The following CABP7 variants were observed in gnomAD, a reference collection of about 807,000 sequenced individuals.
CABP7 encodes the protein calcium-binding protein 7.
Under a neutral mutation model 23.1 loss-of-function variants are expected in CABP7, and 13 were observed. The observed-to-expected ratio is 0.56, with a 90% CI of 0.37 to 0.90. The LOEUF is 0.90. Among genes scored for constraint, CABP7 ranks in the 40% least tolerant of loss-of-function variants. The pLI, the probability that CABP7 is intolerant of heterozygous loss-of-function variation, is 0.01. For synonymous variants in CABP7, 123 were observed against 115.3 expected (o/e 1.07, Z -0.43); for missense variants, 248 against 295.6 (o/e 0.84, Z 1.18).
Position 29,720,490 on chromosome 22 carries a change from G to A in CABP7, c.66G>A (p.Leu22=), listed in dbSNP as rs1201845143. The A allele has an allele frequency of 6.4e-7, 1 of 1,562,842 alleles. No homozygotes were observed. Among genetic ancestry groups the A allele is most frequent in the Admixed American group, 1.8e-5 (1 of 55,744 alleles). Residue 22 remains leucine, a synonymous_variant, in exon 1 of 5, where the codon CTG becomes CTA. Transcript: ENST00000216144. The surrounding 1 kb of genome is among the most constrained non-coding windows in gnomAD (Gnocchi z 5.2). ...YRGIYTVPNL[L]SEQRPVDIPE... ...GCATCTACACCGTGCCCAACCTGCT[G>A]TCGGAGCAGCGCCCGGTGGACATCC...
Position 29,727,921 on chromosome 22 carries a change from C to T in CABP7, c.253+116C>T, listed in dbSNP as rs1394177832. 3 of 1,197,636 alleles carry T rather than the reference C, an allele frequency of 2.5e-6. No homozygotes were observed. Among genetic ancestry groups the T allele is most frequent in the Non-Finnish European group, 3.4e-6 (3 of 876,910 alleles). The allele number at this position is 1,197,636 out of a possible 1,614,324, so 74.2% of individuals were successfully genotyped here. On this transcript the variant is annotated intron_variant, in intron 2 of 4. Transcript: ENST00000216144. This position sits in a 1 kb window ranked among gnomAD's most constrained non-coding sequence, Gnocchi z 4.2. The stretch of plus-strand genomic sequence containing the variant: ...CAAATTGGGTCTCTCGCTCCCCTGA[C>T]TCCCACCCTCAAAGTCCGTGGCAGG...
rs2067823065 is a variant in CABP7, at chr22:29,729,539, C to T, written c.618C>T (p.Ala206=). 6 of 1,612,040 alleles carry T rather than the reference C, an allele frequency of 3.7e-6. No individual in the cohort carries two copies. Among genetic ancestry groups the T allele is most frequent in the Non-Finnish European group, 5.1e-6 (6 of 1,179,966 alleles). Residue 206 remains alanine (A), a synonymous_variant, in exon 5 of 5, where the codon GCC becomes GCT. Coordinates refer to ENST00000216144, the MANE Select transcript of CABP7 (RefSeq NM_182527.3). ...TCATCAGTGTCATGCTCATTGCGGCCAACCAGGTGCTGCGCAGTGGCATGA... is the reference window on the plus strand; with the variant it reads ...TCATCAGTGTCATGCTCATTGCGGCTAACCAGGTGCTGCGCAGTGGCATGA... The part of the protein sequence containing the change: ...AFIISVMLIA[A]NQVLRSGMK
chr22:29,729,330 C>A, intron 4 of CABP7, 112 bp from the exon 5 acceptor site: 1 of 1,575,400 alleles, frequency 6.3e-7, no homozygotes. Context: ...AGCCTCTGTC[C>A]CATTGGGGCA....
In CABP7 at chr22:29,720,683, GGCAAGAC is replaced by G; in HGVS notation, c.109+151_109+157del. 4.5e-6 allele frequency: 2 copies of G among 448,110 alleles called. No individual in the cohort carries two copies. Among genetic ancestry groups the G allele is most frequent in the Non-Finnish European group, 3.9e-6 (1 of 257,420 alleles). 27.8% of individuals were successfully genotyped at this position (448,110 alleles called of 1,614,324 possible). Reference sequence around the variant, plus strand: ...GCCCCAGCTAGCAGCTGTGCCCCGCGGCAAGACCTGTCCGCACCCCGGGGCGCCGCGG... The same window carrying G: ...GCCCCAGCTAGCAGCTGTGCCCCGCGCTGTCCGCACCCCGGGGCGCCGCGG... On this transcript the variant is annotated intron_variant, in intron 1 of 4. Coordinates refer to ENST00000216144, the MANE Select transcript of CABP7 (RefSeq NM_182527.3). This position sits in a 1 kb window ranked among gnomAD's most constrained non-coding sequence, Gnocchi z 5.2.
chr22:29,723,965 T>A (rs5763435), intron 1 of CABP7, among the ~76,000 whole-genome samples: 1 of 152,102 alleles, frequency 6.6e-6, no homozygotes, highest in South Asian at 2.1e-4. Flanking sequence ...AGGCTGGAGG[T>A]GGCAGGTAGG....
rs948838015 is a variant in CABP7, at chr22:29,727,179, G to T, written c.110-483G>T. Among the ~76,000 whole-genome samples, 1 of 151,442 alleles carries T rather than the reference G, an allele frequency of 6.6e-6. No individual in the cohort carries two copies. Among genetic ancestry groups the T allele is most frequent in the Non-Finnish European group, 1.5e-5 (1 of 67,904 alleles). On this transcript the variant is annotated intron_variant, in intron 1 of 4. Transcript: ENST00000216144. This position sits in a 1 kb window ranked among gnomAD's most constrained non-coding sequence, Gnocchi z 4.2. Reference sequence around the variant, plus strand: ...ATTAGTCTGGAGCAAGCTGCCTCACGTGGCTGCCATTAGCAAGTGTTGGCC... The same window carrying T: ...ATTAGTCTGGAGCAAGCTGCCTCACTTGGCTGCCATTAGCAAGTGTTGGCC...
At chr22:29,723,675 G>A (rs2067777096) in intron 1 of CABP7, among the ~76,000 whole-genome samples, 1 of 152,244 alleles carries the variant, frequency 6.6e-6, no homozygotes, top group South Asian at 2.1e-4. Context: ...GGGCAGGGGA[G>A]GCTGGGGAGT....
rs2067749587 is a variant in CABP7, at chr22:29,720,280, G to A, written c.-145G>A. ...GGGGCGCGGGGGCGCTAGGCCCCCG[G>A]AGGGGCGTCCCCAGCCTCGCCGCTG... On this transcript the variant is annotated 5_prime_UTR_variant, in exon 1 of 5. Transcript: ENST00000216144. The surrounding 1 kb of genome is among the most constrained non-coding windows in gnomAD (Gnocchi z 5.2). 1.7e-5 allele frequency: 3 copies of A among 173,384 alleles called. No homozygotes were observed. The highest frequency in any genetic ancestry group is 1.9e-4 in the East Asian group (1 of 5,250). The allele number at this position is 173,384 out of a possible 1,614,324, so 10.7% of individuals were successfully genotyped here.
chr22:29,720,298 C>A lies in CABP7; in HGVS notation c.-127C>A. On this transcript the variant is annotated 5_prime_UTR_variant, in exon 1 of 5. Transcript: ENST00000216144. This position sits in a 1 kb window ranked among gnomAD's most constrained non-coding sequence, Gnocchi z 5.2. Reference sequence around the variant, plus strand: ...GCCCCCGGAGGGGCGTCCCCAGCCTCGCCGCTGCCGCCGCCGCCCTCCGCA... The same window carrying A: ...GCCCCCGGAGGGGCGTCCCCAGCCTAGCCGCTGCCGCCGCCGCCCTCCGCA... The A allele has an allele frequency of 8.8e-6, 2 of 226,896 alleles. No individual in the cohort carries two copies. The highest frequency in any genetic ancestry group is 1.5e-5 in the Non-Finnish European group (2 of 136,744). 14.1% of individuals were successfully genotyped at this position (226,896 alleles called of 1,614,324 possible).
At position 29,731,471 on chromosome 22, in the gene CABP7, C is replaced by G. The variant is rs2067843752; in HGVS notation, c.*1902C>G. The G allele has an allele frequency of 7.2e-7, 1 of 1,387,974 alleles. No individual in the cohort carries two copies. The highest frequency in any genetic ancestry group is 1.5e-5 in the South Asian group (1 of 66,712). The allele number at this position is 1,387,974 out of a possible 1,614,324, so 86.0% of individuals were successfully genotyped here. On this transcript the variant is annotated 3_prime_UTR_variant, in exon 5 of 5. Coordinates refer to ENST00000216144, the MANE Select transcript of CABP7 (RefSeq NM_182527.3). ...TGGGGAGGGTCAGCTGCCTGCATGA[C>G]TTTTCTGGAAGGCAGAGCCTCGAAA...
intron 4 of CABP7, 107 bp from the exon 5 acceptor site, chr22:29,729,335 G>T: frequency 6.3e-7 from 1 of 1,575,104 alleles, no homozygotes. Context: ...CTGTCCCATT[G>T]GGGCACCCCA....
chr22:29,722,243 C>T (rs2067766859), intron 1 of CABP7, among the ~76,000 whole-genome samples: 1 of 152,220 alleles, frequency 6.6e-6, no homozygotes, highest in African/African-American at 2.4e-5. Context: ...GGAGTGCACT[C>T]CCTGAGGAAG....
At chr22:29,721,281 G>A (rs2067760315) in intron 1 of CABP7, among the ~76,000 whole-genome samples, 1 of 152,160 alleles carries the variant, frequency 6.6e-6, no homozygotes, top group Non-Finnish European at 1.5e-5. Context: ...CTGGCTGGGC[G>A]AGGTCAGAGC....
rs772493134 is a variant in CABP7 at position 29,729,202 on chromosome 22, G to A, written c.514G>A (p.Val172Met). 1.9e-6 allele frequency: 3 copies of A among 1,606,884 alleles called. No homozygotes were observed. Among genetic ancestry groups the A allele is most frequent in the East Asian group, 2.2e-5 (1 of 44,646 alleles). The change falls in exon 4 of 5, where the codon GTG (valine) becomes ATG (methionine). Residue 172 changes from valine (V) to methionine (M), a missense_variant. Val to Met is a conservative substitution (Grantham distance 21). Transcript: ENST00000216144. ...CACAGCCGAGGAGTGTCCCGTGGAT[G>A]TGGAGAGTGAGTGGCTGGCCCTGGA... ...LGTAEECPVD[V>M]ETCSNQQIRQ...
At chr22:29,725,034 T>A (rs1394492416) in intron 1 of CABP7, among the ~76,000 whole-genome samples, 1 of 152,036 alleles carries the variant, frequency 6.6e-6, no homozygotes, top group Non-Finnish European at 1.5e-5. Flanking sequence ...TCCCCTACTG[T>A]GAGTCCAGGA....
At chr22:29,723,820 C>A (rs1348750961) in intron 1 of CABP7, among the ~76,000 whole-genome samples, 1 of 152,234 alleles carries the variant, frequency 6.6e-6, no homozygotes, top group African/African-American at 2.4e-5. Flanking sequence ...GGACACTACC[C>A]TCTTCAGTGA....
In CABP7 at chr22:29,720,349, G is replaced by C; in HGVS notation, c.-76G>C. 1.3e-6 allele frequency: 1 copy of C among 783,468 alleles called. No individual in the cohort carries two copies. Among genetic ancestry groups the C allele is most frequent in the Non-Finnish European group, 1.7e-6 (1 of 603,184 alleles). 48.5% of individuals were successfully genotyped at this position (783,468 alleles called of 1,614,324 possible). A position where few individuals can be genotyped will look rare whatever the true frequency, so the allele number is the denominator to read the frequency against. The stretch of plus-strand genomic sequence containing the variant: ...GCCGCGCGCCCCGCCCGCTCCAGCC[G>C]CCCCCGGGGCCGCCACCGGCCCATG... On this transcript the variant is annotated 5_prime_UTR_variant, in exon 1 of 5. Transcript: ENST00000216144. This position sits in a 1 kb window ranked among gnomAD's most constrained non-coding sequence, Gnocchi z 5.2.
Position 29,729,224 on chromosome 22 carries a change from T to C in CABP7, c.520+16T>C. The C allele has an allele frequency of 6.3e-7, 1 of 1,596,392 alleles. No homozygotes were observed. The highest frequency in any genetic ancestry group is 8.5e-7 in the Non-Finnish European group (1 of 1,172,224). ...GATGTGGAGAGTGAGTGGCTGGCCC[T>C]GGAACCCCACGGGTGGGCCCAGTGA... On this transcript the variant is annotated intron_variant, in intron 4 of 4. Coordinates refer to ENST00000216144, the MANE Select transcript of CABP7 (RefSeq NM_182527.3).
Position 29,731,143 on chromosome 22 carries a change from G to T in CABP7, c.*1574G>T. ...GCAGATGGTCTCGGAGCCTCCATGG[G>T]GCGTAGCAGGAACCGGGCTTGGCTT... On this transcript the variant is annotated 3_prime_UTR_variant, in exon 5 of 5. Transcript: ENST00000216144. 3 of 1,392,230 alleles carry T rather than the reference G, an allele frequency of 2.2e-6. No homozygotes were observed. Among genetic ancestry groups the T allele is most frequent in the Non-Finnish European group, 1.9e-6 (2 of 1,062,882 alleles). The allele number at this position is 1,392,230 out of a possible 1,614,324, so 86.2% of individuals were successfully genotyped here.
Sources: gnomAD v4.1 joint callset for allele counts (sites outside exome capture counted in the v4.1 genomes callset) on GRCh38, gnomAD v4.1.1 for gene constraint, Gnocchi (gnomAD v3.1) non-coding constraint, MANE v1.5 for transcripts, NCBI Gene and HGNC (gene_info 2026-07-23, HGNC 2026-07-21) for gene names.